Variants in MUC5AC observed in about 807,000 individuals in gnomAD.
MUC5AC encodes the protein mucin-5AC.
A neutral mutation model predicts 169.7 loss-of-function variants in MUC5AC; 158 were observed. That is an observed-to-expected ratio of 0.93 (90% CI 0.82 to 1.06). The LOEUF (loss-of-function observed/expected upper bound fraction) is 1.06, where lower values mean the gene tolerates loss of function less well. Ranked by LOEUF, MUC5AC falls within the 50% of genes least tolerant of loss-of-function variation. The pLI, the probability that MUC5AC is intolerant of heterozygous loss-of-function variation, is 0.00. For missense variants in MUC5AC, 4,359 were observed against 3,089.9 expected, an observed-to-expected ratio of 1.41 and a Z score of -9.74; for synonymous variants, 1,975 against 1,237.0, an observed-to-expected ratio of 1.60 and a Z score of -12.52.
At chr11:1,197,347 C>A in intron 40 of MUC5AC, 121 bp from the exon 41 acceptor site, 1 of 636,112 alleles carries the variant, frequency 1.6e-6, no homozygotes, top group East Asian at 2.7e-5. Flanking sequence ...CCTGCTGGGT[C>A]CTCAGTGCAG....
At position 1,190,614 on chromosome 11, in the gene MUC5AC, C is replaced by T. The variant is rs1861065265; in HGVS notation, c.12469C>T (p.Pro4157Ser). The change falls in exon 31 of 49, where the codon CCT becomes TCT. Residue 4157 changes from proline (P) to serine (S), a missense_variant. Physicochemically the swap from Pro to Ser is moderately conservative, Grantham distance 74 (BLOSUM62 -1). Coordinates refer to ENST00000621226, the MANE Select transcript of MUC5AC (RefSeq NM_001304359.2). The stretch of plus-strand genomic sequence containing the variant: ...TCCTACAACCAGCACAACCTTGGCT[C>T]CTACAACCAGCACAACCTCTGCTCC... ...SGPTTSTTLA[P>S]TTSTTSAPTT... 1 of 695,348 alleles carries T rather than the reference C, an allele frequency of 1.4e-6. No individual in the cohort carries two copies. The highest frequency in any genetic ancestry group is 1.8e-5 in the African/African-American group (1 of 56,996). 43.1% of individuals were successfully genotyped at this position (695,348 alleles called of 1,614,324 possible).
chr11:1,185,545 G>T lies in MUC5AC; in HGVS notation c.7400G>T (p.Arg2467Ile). 1 of 720,604 alleles carries T rather than the reference G, an allele frequency of 1.4e-6. No homozygotes were observed. Among genetic ancestry groups the T allele is most frequent in the Non-Finnish European group, 2.5e-6 (1 of 395,562 alleles). The allele number at this position is 720,604 out of a possible 1,614,324, so 44.6% of individuals were successfully genotyped here. The change falls in exon 31 of 49, where the codon AGA (arginine) becomes ATA (isoleucine). Residue 2467 changes from arginine (R) to isoleucine (I), a missense_variant. By Grantham distance (97) the Arg-to-Ile change is moderately conservative. Transcript: ENST00000621226. Reference sequence around the variant, plus strand: ...AGCACAACCTCTGCCCCTACAACAAGAACAACTTCTGCTCCTAAAAGCAGC... The same window carrying T: ...AGCACAACCTCTGCCCCTACAACAATAACAACTTCTGCTCCTAAAAGCAGC... ...TTSTTSAPTT[R>I]TTSAPKSSTT...
In MUC5AC at chr11:1,196,434, C is replaced by A; in HGVS notation, c.15684C>A (p.Ser5228Arg). 2.6e-6 allele frequency: 2 copies of A among 765,048 alleles called. No homozygotes were observed. Among genetic ancestry groups the A allele is most frequent in the Admixed American group, 1.7e-5 (1 of 59,036 alleles). The allele number at this position is 765,048 out of a possible 1,614,324, so 47.4% of individuals were successfully genotyped here. A position where few individuals can be genotyped will look rare whatever the true frequency, so the allele number is the denominator to read the frequency against. The change falls in exon 38 of 49, where the codon AGC becomes AGA. Residue 5228 changes from serine to arginine, a missense_variant. Physicochemically the swap from Ser to Arg is moderately radical, Grantham distance 110 (BLOSUM62 -1). Transcript: ENST00000621226. ...AGGTGTACCAGCCCTGCGGCCCGAG[C>A]AACCCCTCCTACTGCTACGGGAATG... ...ADKVYQPCGP[S>R]NPSYCYGNDS...
rs767297174 is a variant in MUC5AC, at chr11:1,199,922, C to T, written c.16653C>T (p.Pro5551=). 3.9e-6 allele frequency: 3 copies of T among 764,350 alleles called. No individual in the cohort carries two copies. Among genetic ancestry groups the T allele is most frequent in the South Asian group, 1.3e-5 (1 of 74,464 alleles). 47.3% of individuals were successfully genotyped at this position (764,350 alleles called of 1,614,324 possible). A position where few individuals can be genotyped will look rare whatever the true frequency, so the allele number is the denominator to read the frequency against. Residue 5551 remains proline (P), a synonymous_variant, in exon 48 of 49, where the codon CCC becomes CCT. Transcript: ENST00000621226. ...IQQQGCSSSE[P]VRLAYCRGNC... ...AGCAGGGCTGCAGCTCCTCGGAGCCCGTGCGCCTGGCTTACTGCCGGGGGA... is the reference window on the plus strand; with the variant it reads ...AGCAGGGCTGCAGCTCCTCGGAGCCTGTGCGCCTGGCTTACTGCCGGGGGA...
chr11:1,160,127 G>A (rs1326448506), intron 1 of MUC5AC, among the ~76,000 whole-genome samples: 2 of 152,138 alleles, frequency 1.3e-5, no homozygotes, highest in East Asian at 3.9e-4. Flanking sequence ...CATTAGCACA[G>A]TCTCTATGGA....
intron 3 of MUC5AC, among the ~76,000 whole-genome samples, 159 bp from the exon 4 acceptor site, chr11:1,161,748 G>A (rs1163159867): frequency 6.6e-6 from 1 of 152,094 alleles, no homozygotes; most frequent in African/African-American, 2.4e-5. Flanking sequence ...CACGTTTCTG[G>A]GACTTCCCAG....
chr11:1,167,441 C>T (rs192573774), intron 11 of MUC5AC, among the ~76,000 whole-genome samples: 20 of 152,340 alleles, frequency 1.3e-4, no homozygotes, highest in Middle Eastern at 6.8e-3. Flanking sequence ...GTACCCTCAC[C>T]TCCCAGGTCA....
Position 1,193,571 on chromosome 11 carries a change from G to T in MUC5AC, c.14667G>T (p.Pro4889=). 1 of 764,896 alleles carries T rather than the reference G, an allele frequency of 1.3e-6. No individual in the cohort carries two copies. Among genetic ancestry groups the T allele is most frequent in the Non-Finnish European group, 2.4e-6 (1 of 417,786 alleles). The allele number at this position is 764,896 out of a possible 1,614,324, so 47.4% of individuals were successfully genotyped here. A position where few individuals can be genotyped will look rare whatever the true frequency, so the allele number is the denominator to read the frequency against. Residue 4889 remains proline, a synonymous_variant, in exon 33 of 49, where the codon CCG becomes CCT. Coordinates refer to ENST00000621226, the MANE Select transcript of MUC5AC (RefSeq NM_001304359.2). ...TCTCCCTGCGCCCGCGCACGTGCCC[G>T]AGGGTGGAGAAGCCCACTTGTGCCA... ...NVISLRPRTC[P]RVEKPTCANG... is the part of the protein sequence containing the mutation.
In MUC5AC at chr11:1,190,823, C is replaced by T; in HGVS notation, c.12678C>T (p.Ser4226=). The change falls in exon 31 of 49, where the codon AGC becomes AGT. Residue 4226 remains serine (S), a synonymous_variant. Transcript: ENST00000621226. ...STTSGSGTTP[S]PVPTTSTTSA... ...CCTCCGGTTCTGGAACTACTCCAAG[C>T]CCTGTTCCCACCACCAGCACAACCT... The T allele has an allele frequency of 2.7e-6, 2 of 736,790 alleles. No individual in the cohort carries two copies. The highest frequency in any genetic ancestry group is 5.0e-6 in the Non-Finnish European group (2 of 403,714). The allele number at this position is 736,790 out of a possible 1,614,324, so 45.6% of individuals were successfully genotyped here. A position where few individuals can be genotyped will look rare whatever the true frequency, so the allele number is the denominator to read the frequency against.
In MUC5AC at chr11:1,194,645, T is replaced by G. The variant is rs1428116391; in HGVS notation, c.15165T>G (p.Phe5055Leu). The change falls in exon 35 of 49, where the codon TTT becomes TTG. Residue 5055 changes from phenylalanine to leucine, a missense_variant. Coordinates refer to ENST00000621226, the MANE Select transcript of MUC5AC (RefSeq NM_001304359.2). Reference sequence around the variant, plus strand: ...CCGTGGAGGTGCCCTTCAGCAAGTTTGCCAACAACACCGAGGGCCAGTGCG... The same window carrying G: ...CCGTGGAGGTGCCCTTCAGCAAGTTGGCCAACAACACCGAGGGCCAGTGCG... The part of the protein sequence containing the change: ...IFSVEVPFSK[F>L]ANNTEGQCGT... The G allele has an allele frequency of 2.6e-6, 2 of 763,210 alleles. No individual in the cohort carries two copies. The highest frequency in any genetic ancestry group is 1.7e-5 in the African/African-American group (1 of 59,076). The allele number at this position is 763,210 out of a possible 1,614,324, so 47.3% of individuals were successfully genotyped here. A position where few individuals can be genotyped will look rare whatever the true frequency, so the allele number is the denominator to read the frequency against.
chr11:1,171,342 TTCAC>T (rs1423695943), intron 15 of MUC5AC, among the ~76,000 whole-genome samples: 14,289 of 71,078 alleles, frequency 0.2, 5 homozygotes, highest in African/African-American at 0.24. Context: ...CACTCACGCA[TTCAC>T]TCACTCACTC....
At chr11:1,172,047 G>T (rs922970305) in intron 15 of MUC5AC, among the ~76,000 whole-genome samples, 15 of 152,348 alleles carry the variant, frequency 9.8e-5, no homozygotes, top group African/African-American at 3.1e-4. Flanking sequence ...CCCATTTGCT[G>T]GTTCTGGCCT....
chr11:1,159,493 G>T (rs908164745), intron 1 of MUC5AC, among the ~76,000 whole-genome samples: 1 of 148,474 alleles, frequency 6.7e-6, no homozygotes, highest in Admixed American at 6.7e-5. Context: ...AGGCTGTGAG[G>T]GGCTGTGCGA....
chr11:1,165,479 GT>G, intron 10 of MUC5AC, 60 bp downstream of exon 10: 1 of 1,590,082 alleles, frequency 6.3e-7, no homozygotes, highest in Non-Finnish European at 8.6e-7. Context: ...CCTGCTGGGG[GT>G]TGCAACCCAG....
At chr11:1,193,056 C>G (rs1861164920) in intron 32 of MUC5AC, 74 bp downstream of exon 32, 1 of 614,408 alleles carries the variant, frequency 1.6e-6, no homozygotes, top group African/African-American at 1.8e-5. Context: ...TGCAATTAGT[C>G]TTCAGCTGCA....
At position 1,165,765 on chromosome 11, in the gene MUC5AC, G is replaced by C. The variant is rs55712244; in HGVS notation, c.1386+5G>C. 5.7e-4 allele frequency: 922 copies of C among 1,611,592 alleles called. 11 individuals carry two copies. In the African/African-American group the frequency reaches 0.011, roughly 20 times the overall value. On this transcript the variant is annotated splice_donor_5th_base_variant and intron_variant, in intron 11 of 48. Transcript: ENST00000621226. ...TGCAGCTATGTGCTGACCAAGGTACGGCCTGGCTGCCTGGGGTGCTCGCCG... is the reference window on the plus strand; with the variant it reads ...TGCAGCTATGTGCTGACCAAGGTACCGCCTGGCTGCCTGGGGTGCTCGCCG...
At chr11:1,172,744 A>C (rs1314306098) in intron 16 of MUC5AC, among the ~76,000 whole-genome samples, 1 of 147,022 alleles carries the variant, frequency 6.8e-6, no homozygotes, top group Non-Finnish European at 1.5e-5. Context: ...TCACCCACAC[A>C]CTCACCCATT....
rs767118931 is a variant in MUC5AC, at chr11:1,192,118, T to C, written c.13973T>C (p.Ile4658Thr). ...GACAAGGAAACCTACAACAACATCA[T>C]CAGGAGTGGGGAAAAAATCTGCCGC... ...GGDKETYNNI[I>T]RSGEKICRRP... The change falls in exon 31 of 49, where the codon ATC becomes ACC. Residue 4658 changes from isoleucine (I) to threonine (T), a missense_variant. Physicochemically the swap from Ile to Thr is moderately conservative, Grantham distance 89. Transcript: ENST00000621226. The C allele has an allele frequency of 1.3e-6, 1 of 764,842 alleles. No homozygotes were observed. Among genetic ancestry groups the C allele is most frequent in the Non-Finnish European group, 2.4e-6 (1 of 417,846 alleles). 47.4% of individuals were successfully genotyped at this position (764,842 alleles called of 1,614,324 possible). A position where few individuals can be genotyped will look rare whatever the true frequency, so the allele number is the denominator to read the frequency against.
intron 43 of MUC5AC, among the ~76,000 whole-genome samples, chr11:1,198,530 G>A (rs959835685): frequency 3.3e-5 from 5 of 152,098 alleles, no homozygotes; most frequent in African/African-American, 1.2e-4. Context: ...GGGGGGCTCC[G>A]GGGGACTTTG....
Sources: gnomAD v4.1 joint callset for allele counts (sites outside exome capture counted in the v4.1 genomes callset) on GRCh38, gnomAD v4.1.1 for gene constraint, MANE v1.5 for transcripts, NCBI Gene and HGNC (gene_info 2026-07-23, HGNC 2026-07-21) for gene names.